FLYWCH1: variants seen among roughly 807,000 people sequenced by gnomAD.
FLYWCH1 encodes FLYWCH-type zinc finger-containing protein 1.
In FLYWCH1, 75 loss-of-function variants were observed where a neutral mutation model predicts 66.4. The observed-to-expected ratio is 1.13, with a 90% confidence interval of 0.94 to 1.37. The LOEUF (loss-of-function observed/expected upper bound fraction) is 1.37, where lower values mean the gene tolerates loss of function less well. Among genes scored for constraint, FLYWCH1 ranks in the 40% most tolerant of loss-of-function variants. FLYWCH1 has a pLI of 0.00. For missense variants in FLYWCH1, 1,334 were observed against 1,001.8 expected (o/e 1.33, Z -4.48); for synonymous variants, 595 against 429.9 (o/e 1.38, Z -4.75).
intron 2 of FLYWCH1, among the ~76,000 whole-genome samples, chr16:2,919,355 C>G (rs544432946): frequency 6.6e-6 from 1 of 151,220 alleles, no homozygotes; most frequent in South Asian, 2.1e-4. Flanking sequence ...AACCTCTGCC[C>G]CCTGGGTTCA....
At chr16:2,930,194 G>A (rs368066668) in intron 3 of FLYWCH1, among the ~76,000 whole-genome samples, 184 bp downstream of exon 3, 4 of 152,204 alleles carry the variant, frequency 2.6e-5, no homozygotes, top group African/African-American at 7.2e-5. Flanking sequence ...GAGCTCCTGG[G>A]AGTTGCAGTG....
intron 9 of FLYWCH1, among the ~76,000 whole-genome samples, chr16:2,941,841 T>G (rs1436677685): frequency 2.0e-5 from 3 of 151,106 alleles, no homozygotes; most frequent in Non-Finnish European, 4.4e-5. Flanking sequence ...ACCAACATGG[T>G]GAAACCCCAT....
Position 2,930,569 on chromosome 16 carries a change from G to A in FLYWCH1, c.485G>A (p.Arg162Gln), listed in dbSNP as rs376592191. ...GGCTGCCGGGGCCGGGCCATCACCCGAGGCCTGCGGGCCACAGTGATGCGG... is the reference window on the plus strand; with the variant it reads ...GGCTGCCGGGGCCGGGCCATCACCCAAGGCCTGCGGGCCACAGTGATGCGG... ...ELGCRGRAIT[R>Q]GLRATVMRGH... The change falls in exon 4 of 10, where the codon CGA becomes CAA. Residue 162 changes from arginine to glutamine, a missense_variant. By Grantham distance (43) the Arg-to-Gln change is conservative. Transcript: ENST00000253928. 21 of 1,555,836 alleles carry A rather than the reference G, an allele frequency of 1.3e-5. No homozygotes were observed. The East Asian group carries it at 2.2e-4, about 16-fold the overall frequency.
rs373457523 is a variant in FLYWCH1, at chr16:2,933,549, C to A, written c.1216C>A (p.Pro406Thr). The stretch of plus-strand genomic sequence containing the variant: ...GGAGCTGCCAACCCAGCCCGAGGCC[C>A]CAGACGAGCACCAGGACATGGACGC... ...DQELPTQPEA[P>T]DEHQDMDADP... Residue 406 changes from proline (P) to threonine (T), a missense_variant, in exon 5 of 10, where the codon CCA becomes ACA. Physicochemically the swap from Pro to Thr is conservative, Grantham distance 38. Coordinates refer to ENST00000253928, the MANE Select transcript of FLYWCH1 (RefSeq NM_001308068.2). 2.5e-6 allele frequency: 4 copies of A among 1,606,010 alleles called. No individual in the cohort carries two copies. Among genetic ancestry groups the A allele is most frequent in the East Asian group, 4.5e-5 (2 of 44,770 alleles).
intron 2 of FLYWCH1, among the ~76,000 whole-genome samples, chr16:2,915,690 G>A (rs534520494): frequency 8.0e-4 from 122 of 151,584 alleles, no homozygotes; most frequent in African/African-American, 2.7e-3. Flanking sequence ...GGCGGATCAC[G>A]GGAGGCAGAG....
intron 4 of FLYWCH1, 26 bp downstream of exon 4, chr16:2,930,906 C>T (rs571632544): frequency 1.1e-4 from 173 of 1,541,008 alleles, no homozygotes; most frequent in Admixed American, 8.9e-4. Flanking sequence ...TCCCCTGCTG[C>T]GTCCACTCGG....
At chr16:2,948,580 A>G in intron 9 of FLYWCH1, 108 bp from the exon 10 acceptor site, 1 of 1,152,160 alleles carries the variant, frequency 8.7e-7, no homozygotes, top group East Asian at 2.4e-5. Context: ...AATGTTCTAG[A>G]CTGTGGCATC....
At chr16:2,921,042 T>C (rs960421193) in intron 2 of FLYWCH1, among the ~76,000 whole-genome samples, 15 of 151,980 alleles carry the variant, frequency 9.9e-5, no homozygotes, top group Admixed American at 8.5e-4. Context: ...GGGGTTTCAC[T>C]GTGTTAGCCC....
At chr16:2,939,885 G>C in intron 8 of FLYWCH1, 147 bp from the exon 9 acceptor site, 1 of 821,182 alleles carries the variant, frequency 1.2e-6, no homozygotes, top group Non-Finnish European at 1.8e-6. Context: ...GAAGGTAATT[G>C]ATGCGTTGAA....
At position 2,940,119 on chromosome 16, in the gene FLYWCH1, C is replaced by G. The variant is rs1485802746; in HGVS notation, c.2111+27C>G. 3 of 1,029,870 alleles carry G rather than the reference C, an allele frequency of 2.9e-6. No homozygotes were observed. In the Admixed American group the frequency reaches 5.2e-5, roughly 18 times the overall value. The allele number at this position is 1,029,870 out of a possible 1,614,324, so 63.8% of individuals were successfully genotyped here. ...TAATTGTATTTGTTATCTAATGGTGCATGACCAATTACAACAAAACGTAGT... is the reference window on the plus strand; with the variant it reads ...TAATTGTATTTGTTATCTAATGGTGGATGACCAATTACAACAAAACGTAGT... On this transcript the variant is annotated intron_variant, in intron 9 of 9. Coordinates refer to ENST00000253928, the MANE Select transcript of FLYWCH1 (RefSeq NM_001308068.2).
intron 2 of FLYWCH1, among the ~76,000 whole-genome samples, chr16:2,925,583 G>GT (rs1293166891): frequency 4.2e-5 from 6 of 142,106 alleles, no homozygotes; most frequent in Non-Finnish European, 9.4e-5. Context: ...GCGGGGGGAG[G>GT]GGGGTACGGG....
In FLYWCH1 at chr16:2,949,152, G is replaced by T; in HGVS notation, c.*425G>T. Reference sequence around the variant, plus strand: ...TGCTGCTGTCTTGGAGCCTGGGCACGTTTGGGGAAGTTCCTGCTTCAAACT... The same window carrying T: ...TGCTGCTGTCTTGGAGCCTGGGCACTTTTGGGGAAGTTCCTGCTTCAAACT... On this transcript the variant is annotated 3_prime_UTR_variant, in exon 10 of 10. Transcript: ENST00000253928. 5.3e-6 allele frequency: 1 copy of T among 189,182 alleles called. No homozygotes were observed. The highest frequency in any genetic ancestry group is 1.1e-5 in the Non-Finnish European group (1 of 91,344). 11.7% of individuals were successfully genotyped at this position (189,182 alleles called of 1,614,324 possible).
At chr16:2,947,974 G>A (rs1477129483) in intron 9 of FLYWCH1, among the ~76,000 whole-genome samples, 1 of 152,002 alleles carries the variant, frequency 6.6e-6, no homozygotes, top group Non-Finnish European at 1.5e-5. Flanking sequence ...CCAGGAGGTG[G>A]AGGCTGCAGT....
intron 9 of FLYWCH1, among the ~76,000 whole-genome samples, chr16:2,945,573 G>A (rs2071445191): frequency 6.9e-6 from 1 of 144,712 alleles, no homozygotes; most frequent in African/African-American, 2.5e-5. Context: ...GCAGTGCACT[G>A]AGATCGTGGC....
chr16:2,949,271 G>C lies in FLYWCH1; in HGVS notation c.*544G>C, dbSNP rs983874263. 6.5e-6 allele frequency: 1 copy of C among 152,958 alleles called. No homozygotes were observed. Among genetic ancestry groups the C allele is most frequent in the African/African-American group, 2.4e-5 (1 of 41,456 alleles). 9.5% of individuals were successfully genotyped at this position (152,958 alleles called of 1,614,324 possible). A position where few individuals can be genotyped will look rare whatever the true frequency, so the allele number is the denominator to read the frequency against. On this transcript the variant is annotated 3_prime_UTR_variant, in exon 10 of 10. Coordinates refer to ENST00000253928, the MANE Select transcript of FLYWCH1 (RefSeq NM_001308068.2). ...TGGTCTCTGGCCGCCTGCTGCCAGG[G>C]TGTGGCCATCCCCAGCAACCGGAGC...
intron 1 of FLYWCH1, among the ~76,000 whole-genome samples, chr16:2,913,425 G>C (rs1309702186): frequency 1.3e-5 from 2 of 152,144 alleles, no homozygotes; most frequent in Non-Finnish European, 2.9e-5. Context: ...CATTGGCCAA[G>C]CTCTCCCTTT....
chr16:2,940,662 T>C (rs59895283), intron 9 of FLYWCH1, among the ~76,000 whole-genome samples: 42,455 of 151,950 alleles, frequency 0.28, 6,096 homozygotes, highest in Admixed American at 0.3. Flanking sequence ...GTCTCAAACT[T>C]CTGACCTCAA....
At chr16:2,923,020 G>T in intron 2 of FLYWCH1, 1 of 457,922 alleles carries the variant, frequency 2.2e-6, no homozygotes, top group South Asian at 1.6e-5. Context: ...TTTTTTGGGG[G>T]GGCTGTTGTG....
chr16:2,928,074 G>A (rs987330265), intron 2 of FLYWCH1, among the ~76,000 whole-genome samples: 15 of 152,368 alleles, frequency 9.8e-5, no homozygotes, highest in Admixed American at 2.0e-4. Context: ...CCAGATTTGT[G>A]TTTCACTTCA....
Sources: gnomAD v4.1 joint callset for allele counts (sites outside exome capture counted in the v4.1 genomes callset) on GRCh38, gnomAD v4.1.1 for gene constraint, MANE v1.5 for transcripts, NCBI Gene and HGNC (gene_info 2026-07-23, HGNC 2026-07-21) for gene names.